USP24: variants seen among roughly 807,000 people sequenced by gnomAD.
The protein encoded by USP24 is ubiquitin specific peptidase 24.
A neutral mutation model predicts 361.6 loss-of-function variants in USP24; 97 were observed. The ratio of observed to expected loss-of-function variants is 0.27; its 90% CI spans 0.23 to 0.32. The LOEUF is 0.32. Ranked by LOEUF, USP24 falls within the 10% of genes least tolerant of loss-of-function variation. The probability of loss-of-function intolerance (pLI) is 1.00; values close to 1 mark genes in which losing one functional copy is unlikely to be tolerated. For missense variants in USP24, 2,353 were observed against 3,165.6 expected (o/e 0.74, Z 6.16); for synonymous variants, 1,098 against 1,124.6 (o/e 0.98, Z 0.47).
intron 59 of USP24, 96 bp from the exon 60 acceptor site, chr1:55,079,755 G>GCA: frequency 1.7e-6 from 2 of 1,180,350 alleles, no homozygotes; most frequent in Non-Finnish European, 2.3e-6. Context: ...TTCAAGACTC[G>GCA]CACACACACT....
intron 38 of USP24, 117 bp from the exon 39 acceptor site, chr1:55,110,363 C>CGA: frequency 1.3e-6 from 1 of 769,052 alleles, no homozygotes; most frequent in South Asian, 2.3e-5. Context: ...GTAAGCATAA[C>CGA]TACTTTTATA....
Position 55,146,991 on chromosome 1 carries a change from G to A in USP24, c.2188C>T (p.Arg730Cys), listed in dbSNP as rs751444448. Reference sequence around the variant, plus strand: ...AGACACTCCCAGATCTCCTTGGCACGATTCCAGCCCAGATACAGAGTAGCT... The same window carrying A: ...AGACACTCCCAGATCTCCTTGGCACAATTCCAGCCCAGATACAGAGTAGCT... ...QEATLYLGWN[R>C]AKEIWECLVT... is the part of the protein sequence containing the mutation. The change falls in exon 19 of 68, where the codon CGT (arginine) becomes TGT (cysteine). Residue 730 changes from arginine to cysteine, a missense_variant. By Grantham distance (180) the Arg-to-Cys change is radical (BLOSUM62 -3). Coordinates refer to ENST00000294383, the MANE Select transcript of USP24 (RefSeq NM_015306.3). The A allele has an allele frequency of 3.1e-6, 5 of 1,609,004 alleles. No individual in the cohort carries two copies. Among genetic ancestry groups the A allele is most frequent in the South Asian group, 1.1e-5 (1 of 90,618 alleles).
chr1:55,138,897 G>C, intron 25 of USP24, 47 bp downstream of exon 25: 3 of 1,573,026 alleles, frequency 1.9e-6, no homozygotes, highest in Non-Finnish European at 2.6e-6. Flanking sequence ...AAGATCGCTT[G>C]AGTCCAGCCT....
chr1:55,118,643 G>A (rs1219029146), intron 38 of USP24, among the ~76,000 whole-genome samples: 1 of 152,024 alleles, frequency 6.6e-6, no homozygotes, highest in East Asian at 1.9e-4. Flanking sequence ...CCACAGATTG[G>A]GAGAAAATAT....
rs558283605 is a variant in USP24 at position 55,096,395 on chromosome 1, A to T, written c.6061+103T>A. ...ATTGCTAGAACAGTAGTACAATAAA[A>T]ATAACAAAATCTGTTGTGTTTTTAT... On this transcript the variant is annotated intron_variant, in intron 50 of 67. Coordinates refer to ENST00000294383, the MANE Select transcript of USP24 (RefSeq NM_015306.3). 71 of 1,025,930 alleles carry T rather than the reference A, an allele frequency of 6.9e-5. No homozygotes were observed. The South Asian group carries it at 1.3e-3, about 19-fold the overall frequency. The allele number at this position is 1,025,930 out of a possible 1,614,324, so 63.6% of individuals were successfully genotyped here. A position where few individuals can be genotyped will look rare whatever the true frequency, so the allele number is the denominator to read the frequency against.
chr1:55,154,482 GAC>G lies in USP24; in HGVS notation c.1555-18_1555-17del. The G allele has an allele frequency of 6.5e-7, 1 of 1,548,334 alleles. No individual in the cohort carries two copies. Among genetic ancestry groups the G allele is most frequent in the Non-Finnish European group, 8.7e-7 (1 of 1,145,910 alleles). ...TCTCCCAGCTCTGTAGAACGGAAAA[GAC>G]ACAGGAATTGCTTCACGATCAAACT... On this transcript the variant is annotated splice_polypyrimidine_tract_variant and intron_variant, in intron 13 of 67. Coordinates refer to ENST00000294383, the MANE Select transcript of USP24 (RefSeq NM_015306.3).
chr1:55,151,863 A>G, intron 16 of USP24: 1 of 975,552 alleles, frequency 1.0e-6, no homozygotes, highest in Non-Finnish European at 1.2e-6. Flanking sequence ...GGGGGAATAG[A>G]GGTAGCTGAG....
chr1:55,164,773 A>C (rs982411851), intron 7 of USP24, among the ~76,000 whole-genome samples: 1 of 152,000 alleles, frequency 6.6e-6, no homozygotes, highest in Non-Finnish European at 1.5e-5. Context: ...TTTTCATCCA[A>C]GTAGGATAGA....
chr1:55,125,201 A>G, intron 34 of USP24, 119 bp downstream of exon 34: 1 of 916,774 alleles, frequency 1.1e-6, no homozygotes, highest in Non-Finnish European at 1.7e-6. Flanking sequence ...AAGTCACCAT[A>G]AATTTCTTGA....
chr1:55,184,669 G>C lies in USP24; in HGVS notation c.325-6537C>G, dbSNP rs116426206. ...TGCGCATGAAATATTCTCCAAGATA[G>C]AGCATATGTTAGGTTGTAAAACAGG... On this transcript the variant is annotated intron_variant, in intron 1 of 67. Transcript: ENST00000294383. 4.3e-3 allele frequency among the ~76,000 whole-genome samples: 661 copies of C among 152,290 alleles called. 2 individuals carry two copies. The highest frequency in any genetic ancestry group is 0.015 in the African/African-American group (641 of 41,574).
intron 36 of USP24, among the ~76,000 whole-genome samples, chr1:55,122,047 C>A (rs1346192382): frequency 6.6e-6 from 1 of 152,098 alleles, no homozygotes; most frequent in African/African-American, 2.4e-5. Flanking sequence ...GCTGGAGATT[C>A]ATCAGGGAAC....
intron 63 of USP24, 122 bp downstream of exon 63, chr1:55,075,335 G>T (rs1254901284): frequency 2.1e-6 from 2 of 930,490 alleles, no homozygotes; most frequent in African/African-American, 1.7e-5. Flanking sequence ...GCCCTGACCA[G>T]ACTTCTACTG....
Position 55,110,167 on chromosome 1 carries a change from T to A in USP24, c.4570+18A>T. Reference sequence around the variant, plus strand: ...TCTTCCCCAGCCCCTCTCCCCTACATATTAGTCATTTACTTACTTGTCAGA... The same window carrying A: ...TCTTCCCCAGCCCCTCTCCCCTACAAATTAGTCATTTACTTACTTGTCAGA... On this transcript the variant is annotated intron_variant, in intron 39 of 67. Coordinates refer to ENST00000294383, the MANE Select transcript of USP24 (RefSeq NM_015306.3). The A allele has an allele frequency of 6.5e-7, 1 of 1,541,926 alleles. No homozygotes were observed. Among genetic ancestry groups the A allele is most frequent in the Non-Finnish European group, 8.8e-7 (1 of 1,140,988 alleles).
chr1:55,130,568 A>C (rs1304895083), intron 31 of USP24, among the ~76,000 whole-genome samples: 2 of 152,170 alleles, frequency 1.3e-5, no homozygotes, highest in African/African-American at 2.4e-5. Flanking sequence ...TTAATGTGGG[A>C]TTTTGTTAAA....
chr1:55,175,661 CTCTT>C (rs1414090593), intron 3 of USP24, among the ~76,000 whole-genome samples: 3 of 152,168 alleles, frequency 2.0e-5, no homozygotes, highest in African/African-American at 7.2e-5. Flanking sequence ...CTTTTCTGAG[CTCTT>C]TCTATGAGCT....
intron 10 of USP24, among the ~76,000 whole-genome samples, chr1:55,157,707 G>A (rs563890474): frequency 6.6e-5 from 10 of 151,966 alleles, no homozygotes; most frequent in Admixed American, 5.9e-4. Context: ...AGTCGTGGGC[G>A]CCTGTAATCC....
chr1:55,200,036 A>C (rs902890226), intron 1 of USP24, among the ~76,000 whole-genome samples: 3 of 152,222 alleles, frequency 2.0e-5, no homozygotes, highest in African/African-American at 7.2e-5. Flanking sequence ...CACCACCACG[A>C]GAACAATATG....
In USP24 at chr1:55,214,924, G is replaced by C; in HGVS notation, c.190C>G (p.Pro64Ala). The change falls in exon 1 of 68, where the codon CCC (proline) becomes GCC (alanine). Residue 64 changes from proline to alanine, a missense_variant. Pro to Ala is a conservative substitution (Grantham distance 27, BLOSUM62 -1). Coordinates refer to ENST00000294383, the MANE Select transcript of USP24 (RefSeq NM_015306.3). ...CCCCGCGGGCCCCCGCCGGGCCCGGGGCTGGGGCCACCGCCGCTGTCCATG... is the reference window on the plus strand; with the variant it reads ...CCCCGCGGGCCCCCGCCGGGCCCGGCGCTGGGGCCACCGCCGCTGTCCATG... ...EPMDSGGGPS[P>A]GPGGGPRGDG... is the part of the protein sequence containing the mutation. 3 of 1,355,784 alleles carry C rather than the reference G, an allele frequency of 2.2e-6. No homozygotes were observed. The highest frequency in any genetic ancestry group is 1.5e-5 in the African/African-American group (1 of 66,332). The allele number at this position is 1,355,784 out of a possible 1,614,324, so 84.0% of individuals were successfully genotyped here.
chr1:55,162,323 T>C (rs1306923271), intron 7 of USP24, 59 bp from the exon 8 acceptor site: 1 of 1,422,308 alleles, frequency 7.0e-7, no homozygotes, highest in African/African-American at 1.5e-5. Context: ...CCTGTCAAAA[T>C]TAAACAAATC....
Sources: gnomAD v4.1 joint callset for allele counts (sites outside exome capture counted in the v4.1 genomes callset) on GRCh38, gnomAD v4.1.1 for gene constraint, MANE v1.5 for transcripts, NCBI Gene and HGNC (gene_info 2026-07-23, HGNC 2026-07-21) for gene names.